The following DNAH7 variants were observed in gnomAD, a reference collection of about 807,000 sequenced individuals.
The protein encoded by DNAH7 is dynein axonemal heavy chain 7.
Under a neutral mutation model 444.6 loss-of-function variants are expected in DNAH7, and 397 were observed. The observed-to-expected ratio is 0.89, with a 90% confidence interval of 0.82 to 0.97. DNAH7 has a LOEUF of 0.97. Among genes scored for constraint, DNAH7 ranks in the 50% least tolerant of loss-of-function variants. The pLI is 0.00. For synonymous variants in DNAH7, 1,636 were observed against 1,624.4 expected, an observed-to-expected ratio of 1.01 and a Z score of -0.17; for missense variants, 4,902 against 4,800.8, an observed-to-expected ratio of 1.02 and a Z score of -0.62.
At chr2:196,029,695 T>C (rs1443799629) in intron 5 of DNAH7, among the ~76,000 whole-genome samples, 1 of 152,194 alleles carries the variant, frequency 6.6e-6, no homozygotes, top group Non-Finnish European at 1.5e-5. Context: ...CCCTTGGTCA[T>C]ACAGCTAATT....
intron 19 of DNAH7, among the ~76,000 whole-genome samples, chr2:195,948,443 T>C (rs1689976577): frequency 6.6e-6 from 1 of 152,240 alleles, no homozygotes; most frequent in African/African-American, 2.4e-5. Flanking sequence ...TTTAAGTCTT[T>C]AATCCATCTT....
At chr2:195,938,531 C>G (rs1447420432) in intron 19 of DNAH7, among the ~76,000 whole-genome samples, 1 of 152,156 alleles carries the variant, frequency 6.6e-6, no homozygotes, top group East Asian at 1.9e-4. Context: ...GTAAAAAACT[C>G]CTTTCACACA....
At position 196,047,134 on chromosome 2, in the gene DNAH7, T is replaced by A. The variant is rs551439686; in HGVS notation, c.398+218A>T. On this transcript the variant is annotated intron_variant, in intron 5 of 64. Coordinates refer to ENST00000312428, the MANE Select transcript of DNAH7 (RefSeq NM_018897.3). ...TCCCAGAAATTCAGCCAACATTAAG[T>A]ATTAACATTGCTACCTTTACAACTC... Among the ~76,000 whole-genome samples, 205 of 152,302 alleles carry A rather than the reference T, an allele frequency of 1.3e-3. 1 individual carries two copies. Among genetic ancestry groups the A allele is most frequent in the African/African-American group, 4.7e-3 (197 of 41,578 alleles).
chr2:195,757,137 C>T (rs1026053159), intron 61 of DNAH7, among the ~76,000 whole-genome samples: 1 of 152,176 alleles, frequency 6.6e-6, no homozygotes, highest in African/African-American at 2.4e-5. Context: ...CCTGAGCTAA[C>T]CAAGTTTTAA....
chr2:195,857,321 CT>C (rs1699769617), intron 44 of DNAH7, 55 bp downstream of exon 44: 3 of 1,386,474 alleles, frequency 2.2e-6, no homozygotes, highest in Non-Finnish European at 2.9e-6. Context: ...TATTTTCTAA[CT>C]GACCAGAAGT....
intron 10 of DNAH7, among the ~76,000 whole-genome samples, chr2:196,011,533 A>G (rs1243952588): frequency 6.6e-6 from 1 of 152,120 alleles, no homozygotes; most frequent in African/African-American, 2.4e-5. Context: ...GAAACCACAC[A>G]CTGTGAGTAA....
Position 196,048,358 on chromosome 2 carries a change from A to G in DNAH7, c.188T>C (p.Leu63Ser). The G allele has an allele frequency of 6.2e-7, 1 of 1,614,058 alleles. No homozygotes were observed. The highest frequency in any genetic ancestry group is 1.1e-5 in the South Asian group (1 of 91,072). Residue 63 changes from leucine (L) to serine (S), a missense_variant, in exon 4 of 65, where the codon TTG becomes TCG. Leu to Ser is a moderately radical substitution (Grantham distance 145). Transcript: ENST00000312428. ...HWQQAAPSFH[L>S]SVKQDDESPE... ...ACTCTCATCATCCTGCTTTACACTC[A>G]AATGGAATGATGGAGCTGCCTGCTG...
intron 7 of DNAH7, among the ~76,000 whole-genome samples, chr2:196,025,264 A>C (rs919434023): frequency 2.0e-5 from 3 of 152,168 alleles, no homozygotes; most frequent in Non-Finnish European, 4.4e-5. Context: ...CTTGTTATAA[A>C]ATCAGAGAAG....
chr2:195,913,908 G>T (rs529407744), intron 24 of DNAH7, among the ~76,000 whole-genome samples: 1 of 152,276 alleles, frequency 6.6e-6, no homozygotes, highest in East Asian at 1.9e-4. Flanking sequence ...TAGAAACGGG[G>T]TTTCACCATG....
chr2:195,793,657 CTTT>C (rs1395820590), intron 57 of DNAH7, among the ~76,000 whole-genome samples: 2 of 152,130 alleles, frequency 1.3e-5, no homozygotes, highest in East Asian at 1.9e-4. Context: ...GAAAGTACTT[CTTT>C]ATTTTTAATG....
chr2:195,990,383 C>G (rs550783707), intron 12 of DNAH7, among the ~76,000 whole-genome samples: 2 of 152,222 alleles, frequency 1.3e-5, no homozygotes, highest in Admixed American at 1.3e-4. Flanking sequence ...TAGTTACTGG[C>G]TGGACATGGT....
intron 24 of DNAH7, among the ~76,000 whole-genome samples, chr2:195,919,463 G>A (rs1352668463): frequency 6.6e-6 from 1 of 151,918 alleles, no homozygotes; most frequent in Non-Finnish European, 1.5e-5. Flanking sequence ...TTCTACCTCA[G>A]CCTCCTGAGT....
intron 24 of DNAH7, among the ~76,000 whole-genome samples, chr2:195,913,148 TG>T (rs1438120729): frequency 2.0e-5 from 3 of 152,146 alleles, no homozygotes; most frequent in Non-Finnish European, 2.9e-5. Context: ...ATCCTAAAAC[TG>T]GTTTACTCAA....
intron 5 of DNAH7, among the ~76,000 whole-genome samples, chr2:196,043,036 G>A (rs946631294): frequency 2.6e-5 from 4 of 152,076 alleles, no homozygotes; most frequent in African/African-American, 4.8e-5. Flanking sequence ...GAAGACTAGC[G>A]ATTACCTGGG....
At chr2:195,857,847 G>T in intron 43 of DNAH7, 124 bp from the exon 44 acceptor site, 1 of 836,150 alleles carries the variant, frequency 1.2e-6, no homozygotes. Context: ...AATGGTGACA[G>T]TAATAGAACT....
At position 195,857,469 on chromosome 2, in the gene DNAH7, T is replaced by G. The variant is rs527317429; in HGVS notation, c.8322A>C (p.Pro2774=). Residue 2774 remains proline, a synonymous_variant, in exon 44 of 65, where the codon CCA becomes CCC. Transcript: ENST00000312428. The part of the protein sequence containing the change: ...YMNIIRKNYI[P]NPDFVPEKIR... Reference sequence around the variant, plus strand: ...TTTTTTCTGGTACAAAATCTGGATTTGGAATATAATTTTTTCTTATGATAT... The same window carrying G: ...TTTTTTCTGGTACAAAATCTGGATTGGGAATATAATTTTTTCTTATGATAT... 3 of 1,613,594 alleles carry G rather than the reference T, an allele frequency of 1.9e-6. No individual in the cohort carries two copies. In the South Asian group the frequency reaches 3.3e-5, roughly 18 times the overall value.
At chr2:195,749,861 T>G (rs1693684099) in intron 63 of DNAH7, among the ~76,000 whole-genome samples, 1 of 150,938 alleles carries the variant, frequency 6.6e-6, no homozygotes, top group Admixed American at 6.6e-5. Context: ...AGGGATAGCT[T>G]TAGGAGATAT....
chr2:196,029,060 G>A (rs537121463), intron 5 of DNAH7, among the ~76,000 whole-genome samples: 4 of 152,300 alleles, frequency 2.6e-5, no homozygotes, highest in South Asian at 2.1e-4. Context: ...GTGAGGGAAT[G>A]CAAGTATGAA....
intron 21 of DNAH7, among the ~76,000 whole-genome samples, chr2:195,931,053 C>A (rs1688658538): frequency 6.6e-6 from 1 of 151,958 alleles, no homozygotes; most frequent in African/African-American, 2.4e-5. Flanking sequence ...AGAGAGGGGT[C>A]AAGGTTGATA....
Sources: allele counts gnomAD v4.1 joint callset (sites outside exome capture counted in the v4.1 genomes callset), GRCh38; gene constraint gnomAD v4.1.1; transcripts MANE v1.5; gene names NCBI Gene and HGNC (gene_info 2026-07-23, HGNC 2026-07-21).